Variants in HTR2A observed in about 807,000 individuals in gnomAD.
HTR2A encodes 5-HT2 receptor.
Under a neutral mutation model 31.0 loss-of-function variants are expected in HTR2A, and 14 were observed. The observed-to-expected ratio is 0.45, with a 90% CI of 0.30 to 0.71. The LOEUF (loss-of-function observed/expected upper bound fraction) is 0.71. HTR2A is among the 30% of genes least tolerant of loss of function. The probability of loss-of-function intolerance (pLI) is 0.09; values close to 1 mark genes in which losing one functional copy is unlikely to be tolerated. For synonymous variants in HTR2A, 209 were observed against 225.2 expected (o/e 0.93, Z 0.64); for missense variants, 442 against 573.3 (o/e 0.77, Z 2.34).
chr13:46,892,976 A>G (rs563607656), intron 2 of HTR2A, among the ~76,000 whole-genome samples: 3 of 152,324 alleles, frequency 2.0e-5, no homozygotes, highest in Admixed American at 1.3e-4. Context: ...GTCAGGATTT[A>G]GTCACATATT....
chr13:46,866,926 C>A (rs1049421137), intron 3 of HTR2A, among the ~76,000 whole-genome samples: 1 of 152,098 alleles, frequency 6.6e-6, no homozygotes, highest in African/African-American at 2.4e-5. Flanking sequence ...ACTTGGGCAG[C>A]TGAGGCAGGA....
rs1951110328 is a variant in HTR2A at position 46,896,917 on chromosome 13, C to T, written c.-572G>A. On this transcript the variant is annotated 5_prime_UTR_variant, in exon 1 of 4. Transcript: ENST00000542664. ...TCGGCTGGGTTCCTCCCTCCCTGTG[C>T]GGCTCGCCTCAGCAGGCACACATTT... The T allele has an allele frequency of 1.2e-5, 14 of 1,150,788 alleles. No individual in the cohort carries two copies. Among genetic ancestry groups the T allele is most frequent in the Admixed American group, 2.5e-5 (1 of 39,882 alleles). The allele number at this position is 1,150,788 out of a possible 1,614,324, so 71.3% of individuals were successfully genotyped here. A position where few individuals can be genotyped will look rare whatever the true frequency, so the allele number is the denominator to read the frequency against.
In HTR2A at chr13:46,832,586, T is replaced by C. The variant is rs1323054181; in HGVS notation, c.*2251A>G. 2.6e-5 allele frequency: 4 copies of C among 152,168 alleles called. No homozygotes were observed. Among genetic ancestry groups the C allele is most frequent in the Middle Eastern group, 3.2e-3 (1 of 316 alleles). The allele number at this position is 152,168 out of a possible 1,614,324, so 9.4% of individuals were successfully genotyped here. On this transcript the variant is annotated 3_prime_UTR_variant, in exon 4 of 4. Coordinates refer to ENST00000542664, the MANE Select transcript of HTR2A (RefSeq NM_000621.5). ...TGCAGAGTTACAAGTGAAGGCAAAA[T>C]ACATTAGAGTGGAGACATTTTAACA...
intron 3 of HTR2A, among the ~76,000 whole-genome samples, chr13:46,882,803 C>T (rs1950976521): frequency 6.6e-6 from 1 of 152,230 alleles, no homozygotes; most frequent in African/African-American, 2.4e-5. Context: ...TCTTTAACCT[C>T]ATAAAGACAG....
rs886289270 is a variant in HTR2A at position 46,834,765 on chromosome 13, A to AT, written c.*71dup. 2.6e-5 allele frequency: 31 copies of AT among 1,214,628 alleles called. No homozygotes were observed. The African/African-American group carries it at 5.3e-4, about 21-fold the overall frequency. The allele number at this position is 1,214,628 out of a possible 1,614,324, so 75.2% of individuals were successfully genotyped here. ...GACTTGTCTAATTTTTTCCAATCTC[A>AT]TATTTTTTTTTTTCCAGATAGGTGA... On this transcript the variant is annotated 3_prime_UTR_variant, in exon 4 of 4. Transcript: ENST00000542664.
At chr13:46,873,855 G>A (rs541097745) in intron 3 of HTR2A, among the ~76,000 whole-genome samples, 1 of 152,306 alleles carries the variant, frequency 6.6e-6, no homozygotes, top group East Asian at 1.9e-4. Context: ...AAAATAGGCA[G>A]GTGAGCAAGT....
chr13:46,842,494 C>T (rs765904225), intron 3 of HTR2A, among the ~76,000 whole-genome samples: 3 of 152,162 alleles, frequency 2.0e-5, no homozygotes, highest in Non-Finnish European at 4.4e-5. Context: ...GCGGCAGGTG[C>T]GCACATAATC....
intron 3 of HTR2A, among the ~76,000 whole-genome samples, chr13:46,881,749 G>T (rs958501383): frequency 1.3e-5 from 2 of 152,162 alleles, no homozygotes; most frequent in Non-Finnish European, 2.9e-5. Context: ...GCATAAACCT[G>T]GAGGGTCCCA....
intron 3 of HTR2A, among the ~76,000 whole-genome samples, chr13:46,864,476 G>T (rs957844065): frequency 3.9e-5 from 6 of 151,958 alleles, no homozygotes; most frequent in Non-Finnish European, 7.4e-5. Flanking sequence ...AAAGGCCCTC[G>T]CAGGTCTTAC....
In HTR2A at chr13:46,833,034, C is replaced by G. The variant is rs1289151335; in HGVS notation, c.*1803G>C. ...GCTTTTCTATTAGGGAGCCCAGTGT[C>G]AATGAGTAATACTGAAATGAGTGAG... On this transcript the variant is annotated 3_prime_UTR_variant, in exon 4 of 4. Transcript: ENST00000542664. The G allele has an allele frequency of 6.6e-6, 1 of 152,064 alleles. No homozygotes were observed. The highest frequency in any genetic ancestry group is 1.5e-5 in the Non-Finnish European group (1 of 68,012). The allele number at this position is 152,064 out of a possible 1,614,324, so 9.4% of individuals were successfully genotyped here.
At chr13:46,882,864 A>G (rs17069089) in intron 3 of HTR2A, among the ~76,000 whole-genome samples, 5,526 of 152,302 alleles carry the variant, frequency 0.036, 322 homozygotes, top group African/African-American at 0.13. Context: ...TTAGTATATG[A>G]AATAGAATCC....
At chr13:46,836,314 A>G (rs1017243146) in intron 3 of HTR2A, among the ~76,000 whole-genome samples, 35 of 152,108 alleles carry the variant, frequency 2.3e-4, no homozygotes, top group African/African-American at 8.0e-4. Context: ...GAATAAAGAA[A>G]AATAATATGT....
intron 3 of HTR2A, among the ~76,000 whole-genome samples, chr13:46,874,597 C>T (rs1233140037): frequency 6.6e-6 from 1 of 152,212 alleles, no homozygotes; most frequent in Non-Finnish European, 1.5e-5. Flanking sequence ...TACTGTCTTG[C>T]ATTGTATCTA....
intron 3 of HTR2A, among the ~76,000 whole-genome samples, chr13:46,857,616 A>C (rs560740984): frequency 6.6e-6 from 1 of 152,188 alleles, no homozygotes; most frequent in Non-Finnish European, 1.5e-5. Flanking sequence ...CATAGTAAGT[A>C]GGGAGGGGCA....
chr13:46,852,462 C>T (rs1950694151), intron 3 of HTR2A, among the ~76,000 whole-genome samples: 1 of 152,238 alleles, frequency 6.6e-6, no homozygotes, highest in Non-Finnish European at 1.5e-5. Context: ...CGGTAACAGC[C>T]TTGCCTTAGC....
chr13:46,833,128 T>C lies in HTR2A; in HGVS notation c.*1709A>G, dbSNP rs950187780. On this transcript the variant is annotated 3_prime_UTR_variant, in exon 4 of 4. Transcript: ENST00000542664. ...GTTATAAACTGGCTTGAGATTGAGG[T>C]GCGTATTTCTAAATTAATTGCAATG... 6.6e-6 allele frequency: 1 copy of C among 152,110 alleles called. No homozygotes were observed. The highest frequency in any genetic ancestry group is 1.5e-5 in the Non-Finnish European group (1 of 68,008). The allele number at this position is 152,110 out of a possible 1,614,324, so 9.4% of individuals were successfully genotyped here.
At chr13:46,881,998 T>G (rs1425823346) in intron 3 of HTR2A, among the ~76,000 whole-genome samples, 2 of 152,182 alleles carry the variant, frequency 1.3e-5, no homozygotes, top group African/African-American at 4.8e-5. Context: ...GTGCTTAGAT[T>G]TTATGTAGTT....
rs1156826300 is a variant in HTR2A, at chr13:46,876,404, AT to A, written c.613+15985del. Reference sequence around the variant, plus strand: ...TTGATTCATATATATATATATATATATTTTTTTTTTTTTTTTTTTTTTTGAG... The same window carrying A: ...TTGATTCATATATATATATATATATATTTTTTTTTTTTTTTTTTTTTTGAG... On this transcript the variant is annotated intron_variant, in intron 3 of 3. Coordinates refer to ENST00000542664, the MANE Select transcript of HTR2A (RefSeq NM_000621.5). 3.1e-3 allele frequency among the ~76,000 whole-genome samples: 218 copies of A among 71,220 alleles called. 2 individuals carry two copies. The highest frequency in any genetic ancestry group is 9.5e-3 in the African/African-American group (189 of 19,826). 46.7% of individuals were successfully genotyped at this position (71,220 alleles called of 152,430 possible).
chr13:46,856,583 ACT>A (rs1305360020), intron 3 of HTR2A, among the ~76,000 whole-genome samples: 1 of 150,712 alleles, frequency 6.6e-6, no homozygotes, highest in Non-Finnish European at 1.5e-5. Flanking sequence ...GTAGGCTTTA[ACT>A]CTCTTAGTTA....
Sources: gnomAD v4.1 joint callset for allele counts (sites outside exome capture counted in the v4.1 genomes callset) on GRCh38, gnomAD v4.1.1 for gene constraint, MANE v1.5 for transcripts, NCBI Gene and HGNC (gene_info 2026-07-23, HGNC 2026-07-21) for gene names.